The following PCDHGA10 variants were observed in gnomAD, a reference collection of about 807,000 sequenced individuals.
PCDHGA10 encodes protocadherin gamma-A10.
Under a neutral mutation model 59.5 loss-of-function variants are expected in PCDHGA10, and 42 were observed. That is an observed-to-expected ratio of 0.71 (90% CI 0.55 to 0.91). The LOEUF (loss-of-function observed/expected upper bound fraction) is 0.91. PCDHGA10 is among the 40% of genes least tolerant of loss of function. The pLI is 0.00. For synonymous variants in PCDHGA10, 511 were observed against 517.2 expected (o/e 0.99, Z 0.16); for missense variants, 1,111 against 1,198.2 (o/e 0.93, Z 1.07).
rs549801775 is a variant in PCDHGA10 at position 141,419,346 on chromosome 5, T to C, written c.2436+3735T>C. The C allele has an allele frequency of 6.2e-7, 1 of 1,613,828 alleles. No individual in the cohort carries two copies. The highest frequency in any genetic ancestry group is 2.2e-5 in the East Asian group (1 of 44,886). ...TCCTACTCTCTCATTGCCAGCGACCTGGAGTCACGAACGCTGTCGTCCTAC... is the reference window on the plus strand; with the variant it reads ...TCCTACTCTCTCATTGCCAGCGACCCGGAGTCACGAACGCTGTCGTCCTAC... On this transcript the variant is annotated intron_variant, in intron 1 of 3. Coordinates refer to ENST00000398610, the MANE Select transcript of PCDHGA10 (RefSeq NM_018913.3).
In PCDHGA10 at chr5:141,493,755, A is replaced by C. The variant is rs1364524112; in HGVS notation, c.2437-1052A>C. Among the ~76,000 whole-genome samples, 1 of 152,148 alleles carries C rather than the reference A, an allele frequency of 6.6e-6. No homozygotes were observed. The highest frequency in any genetic ancestry group is 2.4e-5 in the African/African-American group (1 of 41,440). On this transcript the variant is annotated intron_variant, in intron 1 of 3. Coordinates refer to ENST00000398610, the MANE Select transcript of PCDHGA10 (RefSeq NM_018913.3). The surrounding 1 kb of genome is among the most constrained non-coding windows in gnomAD (Gnocchi z 4.3). ...ATATCACTGCCACCTGTGAGCCTTG[A>C]GTGAGCCACTGGCAGTTCCGGAGCT...
intron 1 of PCDHGA10, among the ~76,000 whole-genome samples, chr5:141,436,515 G>A (rs1393437693): frequency 6.6e-6 from 1 of 152,160 alleles, no homozygotes; most frequent in Non-Finnish European, 1.5e-5. Context: ...ATTGTTAACT[G>A]TGTCACCTTT....
intron 1 of PCDHGA10, among the ~76,000 whole-genome samples, chr5:141,460,914 A>G (rs62379191): frequency 4.9e-5 from 6 of 122,236 alleles, no homozygotes; most frequent in Non-Finnish European, 5.2e-5. Context: ...TCCATGGTGT[A>G]TATATATATA....
At chr5:141,464,580 G>A (rs1459502164) in intron 1 of PCDHGA10, among the ~76,000 whole-genome samples, 1 of 152,118 alleles carries the variant, frequency 6.6e-6, no homozygotes, top group East Asian at 1.9e-4. Context: ...AGATGAGAAT[G>A]TCCATTGTCC....
intron 2 of PCDHGA10, among the ~76,000 whole-genome samples, chr5:141,500,125 T>C (rs1367341826): frequency 2.0e-5 from 3 of 151,970 alleles, no homozygotes; most frequent in African/African-American, 4.8e-5. Flanking sequence ...CCTTTTCATA[T>C]ATATCTTTCT....
rs2095843560 is a variant in PCDHGA10, at chr5:141,415,203, G to C, written c.2028G>C (p.Leu676=). The C allele has an allele frequency of 1.5e-5, 24 of 1,614,032 alleles. No homozygotes were observed. The highest frequency in any genetic ancestry group is 2.0e-5 in the Non-Finnish European group (24 of 1,180,022). Residue 676 remains leucine (L), a synonymous_variant, in exon 1 of 4, where the codon CTG becomes CTC. Transcript: ENST00000398610. ...TGGCCGACAGCATCCCCCAAGTCCT[G>C]GCGGACCTCGGCAGCTTCGAGTCTC... ...VAVADSIPQV[L]ADLGSFESPA... is the part of the protein sequence containing the mutation.
At chr5:141,457,448 A>G (rs1296079061) in intron 1 of PCDHGA10, among the ~76,000 whole-genome samples, 2 of 152,196 alleles carry the variant, frequency 1.3e-5, no homozygotes, top group Non-Finnish European at 2.9e-5. Flanking sequence ...GCAGAAGATC[A>G]CCACTTGATT....
chr5:141,414,424 G>C lies in PCDHGA10; in HGVS notation c.1249G>C (p.Glu417Gln), dbSNP rs762669763. 1.2e-6 allele frequency: 2 copies of C among 1,613,846 alleles called. No individual in the cohort carries two copies. The highest frequency in any genetic ancestry group is 1.7e-6 in the Non-Finnish European group (2 of 1,179,852). The change falls in exon 1 of 4, where the codon GAA (glutamate) becomes CAA (glutamine). Residue 417 changes from glutamate to glutamine, a missense_variant. Transcript: ENST00000398610. ...RLVIHRALDR[E>Q]QVSSYNITVT... ...GGTGATACACAGAGCCCTTGACAGG[G>C]AACAGGTATCCTCTTACAATATCAC...
chr5:141,477,189 A>G lies in PCDHGA10; in HGVS notation c.2437-17618A>G, dbSNP rs377372902. ...CCGGAGATCACAGTCACCTCCGTGT[A>G]CAGCCCAGTACCCGAGGATGCCCCT... On this transcript the variant is annotated intron_variant, in intron 1 of 3. Coordinates refer to ENST00000398610, the MANE Select transcript of PCDHGA10 (RefSeq NM_018913.3). The surrounding 1 kb of genome is among the most constrained non-coding windows in gnomAD (Gnocchi z 4.9). 6.2e-7 allele frequency: 1 copy of G among 1,614,070 alleles called. No homozygotes were observed. The highest frequency in any genetic ancestry group is 8.5e-7 in the Non-Finnish European group (1 of 1,180,040).
rs11575965 is a variant in PCDHGA10 at position 141,430,679 on chromosome 5, T to C, written c.2436+15068T>C. 6,478 of 1,333,262 alleles carry C rather than the reference T, an allele frequency of 4.9e-3. 34 individuals carry two copies. Among genetic ancestry groups the C allele is most frequent in the Admixed American group, 9.3e-3 (354 of 37,978 alleles). 82.6% of individuals were successfully genotyped at this position (1,333,262 alleles called of 1,614,324 possible). ...CGGAGGAGCTCTGACTTCCCAACTG[T>C]CCCATTCTATGGGCGAAGGAACTGC... On this transcript the variant is annotated intron_variant, in intron 1 of 3. Coordinates refer to ENST00000398610, the MANE Select transcript of PCDHGA10 (RefSeq NM_018913.3).
In PCDHGA10 at chr5:141,485,111, G is replaced by C. The variant is rs2099607127; in HGVS notation, c.2437-9696G>C. On this transcript the variant is annotated intron_variant, in intron 1 of 3. Coordinates refer to ENST00000398610, the MANE Select transcript of PCDHGA10 (RefSeq NM_018913.3). The surrounding 1 kb of genome is among the most constrained non-coding windows in gnomAD (Gnocchi z 5.7). The stretch of plus-strand genomic sequence containing the variant: ...ATAGGTGTCTCCAGCTGCTGTGGCT[G>C]TTTGGGGCGGGTCGGCTTCATCCGC... 5.4e-6 allele frequency: 7 copies of C among 1,287,562 alleles called. No individual in the cohort carries two copies. The highest frequency in any genetic ancestry group is 7.8e-6 in the Non-Finnish European group (7 of 899,436). 79.8% of individuals were successfully genotyped at this position (1,287,562 alleles called of 1,614,324 possible). A position where few individuals can be genotyped will look rare whatever the true frequency, so the allele number is the denominator to read the frequency against.
intron 1 of PCDHGA10, chr5:141,423,526 A>G (rs1229909527): frequency 6.2e-7 from 1 of 1,613,690 alleles, no homozygotes; most frequent in Non-Finnish European, 8.5e-7. Flanking sequence ...CTCGCAGAAG[A>G]GTCACCTGAT....
intron 2 of PCDHGA10, among the ~76,000 whole-genome samples, chr5:141,500,508 C>T (rs2099801020): frequency 6.6e-6 from 1 of 152,078 alleles, no homozygotes; most frequent in African/African-American, 2.4e-5. Context: ...CGCGCCTGGC[C>T]GAGCTTCATT....
intron 1 of PCDHGA10, chr5:141,427,617 G>C (rs1295636754): frequency 1.4e-6 from 1 of 694,694 alleles, no homozygotes. Context: ...TGAAGTCAAC[G>C]ACAATGCTCC....
chr5:141,429,234 T>C (rs2097199038), intron 1 of PCDHGA10: 1 of 152,114 alleles, frequency 6.6e-6, no homozygotes, highest in African/African-American at 2.4e-5. Context: ...ATGATACTGC[T>C]GTCATTGAGA....
At chr5:141,427,635 C>T in intron 1 of PCDHGA10, 1 of 706,280 alleles carries the variant, frequency 1.4e-6, no homozygotes, top group African/African-American at 1.7e-5. Context: ...TCCGGTTTTC[C>T]ACCAAGTCTC....
At position 141,496,266 on chromosome 5, in the gene PCDHGA10, AAGACCTTC is replaced by A. The variant is rs2099767586; in HGVS notation, c.2495+1404_2495+1411del. Among the ~76,000 whole-genome samples the A allele has an allele frequency of 2.0e-5, 3 of 152,152 alleles. No homozygotes were observed. The South Asian group carries it at 6.2e-4, about 32-fold the overall frequency. Reference sequence around the variant, plus strand: ...TGAAGGGGAGGGAAACTTCAGCAGAAAGACCTTCAGTTGGTCTGAGCAGAGTGGGATAG... The same window carrying A: ...TGAAGGGGAGGGAAACTTCAGCAGAAAGTTGGTCTGAGCAGAGTGGGATAG... On this transcript the variant is annotated intron_variant, in intron 2 of 3. Coordinates refer to ENST00000398610, the MANE Select transcript of PCDHGA10 (RefSeq NM_018913.3).
intron 1 of PCDHGA10, among the ~76,000 whole-genome samples, chr5:141,450,649 G>A (rs2098689040): frequency 6.6e-6 from 1 of 151,674 alleles, no homozygotes; most frequent in African/African-American, 2.4e-5. Flanking sequence ...ACCATGCCTG[G>A]CTAATTTTTG....
rs2095840318 is a variant in PCDHGA10 at position 141,415,182 on chromosome 5, C to T, written c.2007C>T (p.Ala669=). 1.2e-6 allele frequency: 2 copies of T among 1,613,842 alleles called. No individual in the cohort carries two copies. Among genetic ancestry groups the T allele is most frequent in the Non-Finnish European group, 1.7e-6 (2 of 1,180,030 alleles). Residue 669 remains alanine (A), a synonymous_variant, in exon 1 of 4, where the codon GCC becomes GCT. Transcript: ENST00000398610. The part of the protein sequence containing the change: ...SATVTLTVAV[A]DSIPQVLADL... ...CTGTCACGCTCACCGTGGCCGTGGC[C>T]GACAGCATCCCCCAAGTCCTGGCGG...
Sources: gnomAD v4.1 joint callset for allele counts (sites outside exome capture counted in the v4.1 genomes callset) on GRCh38, gnomAD v4.1.1 for gene constraint, Gnocchi (gnomAD v3.1) non-coding constraint, MANE v1.5 for transcripts, NCBI Gene and HGNC (gene_info 2026-07-23, HGNC 2026-07-21) for gene names.